IL1RN: variants seen among roughly 807,000 people sequenced by gnomAD.
IL1RN encodes interleukin-1 receptor antagonist protein.
Under a neutral mutation model 13.7 loss-of-function variants are expected in IL1RN, and 10 were observed. That is an observed-to-expected ratio of 0.73 (90% CI 0.45 to 1.24). The LOEUF (loss-of-function observed/expected upper bound fraction) is 1.24. Ranked by LOEUF, IL1RN falls within the 50% of genes most tolerant of loss-of-function variation. The probability of loss-of-function intolerance (pLI) is 0.00; values close to 1 mark genes in which losing one functional copy is unlikely to be tolerated. For synonymous variants in IL1RN, 102 were observed against 82.7 expected, an observed-to-expected ratio of 1.23 and a Z score of -1.27; for missense variants, 213 against 222.1, an observed-to-expected ratio of 0.96 and a Z score of 0.26.
chr2:113,105,414 T>C (rs1051324289), upstream of IL1RN, among the ~76,000 whole-genome samples: 4 of 152,206 alleles, frequency 2.6e-5, no homozygotes, highest in Non-Finnish European at 4.4e-5. Flanking sequence ...ATGTCACTCA[T>C]TAAAGATGTA....
At chr2:113,111,473 G>C (rs1573275811) in intron 1 of IL1RN, among the ~76,000 whole-genome samples, 1 of 152,206 alleles carries the variant, frequency 6.6e-6, no homozygotes, top group South Asian at 2.1e-4. Context: ...CATTGAGATA[G>C]TTCACATAAT....
intron 2 of IL1RN, chr2:113,121,704 A>G: frequency 1.4e-6 from 1 of 739,674 alleles, no homozygotes; most frequent in Non-Finnish European, 1.7e-6. Flanking sequence ...CCCCTTCATC[A>G]TCCAGGAGAG....
intron 1 of IL1RN, among the ~76,000 whole-genome samples, chr2:113,128,816 T>C (rs900293364): frequency 6.6e-6 from 1 of 152,108 alleles, no homozygotes; most frequent in African/African-American, 2.4e-5. Context: ...CAGAGCTCTG[T>C]TTATTACGTC....
At chr2:113,126,652 T>A (rs766933586), upstream of IL1RN, among the ~76,000 whole-genome samples, 13 of 152,180 alleles carry the variant, frequency 8.5e-5, no homozygotes, top group African/African-American at 1.4e-4. Flanking sequence ...GAAGTTCTCC[T>A]CTTCCTTCCT....
intron 3 of IL1RN, among the ~76,000 whole-genome samples, chr2:113,131,643 C>T (rs1687175511): frequency 6.6e-6 from 1 of 152,134 alleles, no homozygotes; most frequent in African/African-American, 2.4e-5. Flanking sequence ...CTGTGTGCTA[C>T]TCCCTTGCTC....
At chr2:113,121,092 C>A (rs1686766110) in intron 2 of IL1RN, among the ~76,000 whole-genome samples, 1 of 146,416 alleles carries the variant, frequency 6.8e-6, no homozygotes, top group African/African-American at 2.5e-5. Flanking sequence ...TCTTCTTCTT[C>A]TTCCTCTTCC....
chr2:113,114,487 G>C (rs72950894), upstream of IL1RN, among the ~76,000 whole-genome samples: 2,943 of 152,246 alleles, frequency 0.019, 87 homozygotes, highest in African/African-American at 0.068. Context: ...AGTTGTGGTG[G>C]TGGCGATGGA....
chr2:113,107,589 C>T (rs930826160), upstream of IL1RN, among the ~76,000 whole-genome samples: 6 of 146,736 alleles, frequency 4.1e-5, no homozygotes, highest in African/African-American at 1.5e-4. Flanking sequence ...AAAAAATAGC[C>T]ATGTGTGGTG....
chr2:113,112,642 G>T (rs997041674), intron 1 of IL1RN, among the ~76,000 whole-genome samples: 36 of 152,084 alleles, frequency 2.4e-4, no homozygotes, highest in African/African-American at 8.7e-4. Flanking sequence ...GCTTCTCACC[G>T]TTCCTCTTCC....
chr2:113,117,760 C>T, upstream of IL1RN: 1 of 592,098 alleles, frequency 1.7e-6, no homozygotes, highest in Non-Finnish European at 3.0e-6. Flanking sequence ...AGTCACCCTC[C>T]TGGAAACTGG....
At chr2:113,125,804 TG>T (rs1686933890), upstream of IL1RN, among the ~76,000 whole-genome samples, 1 of 152,234 alleles carries the variant, frequency 6.6e-6, no homozygotes, top group Non-Finnish European at 1.5e-5. Flanking sequence ...CTTTTTTGTT[TG>T]TTTTTGTTTT....
At chr2:113,126,497 T>C (rs770126702), upstream of IL1RN, among the ~76,000 whole-genome samples, 5 of 152,220 alleles carry the variant, frequency 3.3e-5, no homozygotes, top group Non-Finnish European at 7.3e-5. Context: ...GCACTGTCCA[T>C]CCTGTAGATC....
chr2:113,127,520 A>G (rs527931591), upstream of IL1RN: 65 of 1,498,210 alleles, frequency 4.3e-5, no homozygotes, highest in African/African-American at 7.0e-4. Context: ...CGCTTCTCGC[A>G]GTGGGGCAGG....
At chr2:113,112,163 C>T (rs1000499371) in intron 1 of IL1RN, among the ~76,000 whole-genome samples, 3 of 152,208 alleles carry the variant, frequency 2.0e-5, no homozygotes, top group Non-Finnish European at 4.4e-5. Context: ...AATGCTTCTA[C>T]CTTCCCTGTG....
chr2:113,112,543 C>G (rs1375922903), intron 1 of IL1RN, among the ~76,000 whole-genome samples: 1 of 152,146 alleles, frequency 6.6e-6, no homozygotes, highest in East Asian at 1.9e-4. Context: ...GGCTGCTCCC[C>G]TTGCTTTTCC....
chr2:113,130,118 T>C (rs886312481), intron 2 of IL1RN: 2 of 187,400 alleles, frequency 1.1e-5, no homozygotes, highest in African/African-American at 4.6e-5. Flanking sequence ...TGGATGACCT[T>C]GAAGAAGCTT....
At chr2:113,113,562 A>G (rs1476193520), upstream of IL1RN, among the ~76,000 whole-genome samples, 1 of 150,794 alleles carries the variant, frequency 6.6e-6, no homozygotes, top group Non-Finnish European at 1.5e-5. Flanking sequence ...CTAAGAGGGT[A>G]TATCTTATAT....
chr2:113,117,655 T>G, upstream of IL1RN: 1 of 428,646 alleles, frequency 2.3e-6, no homozygotes, highest in Non-Finnish European at 4.3e-6. Flanking sequence ...CTGGCGGCAG[T>G]CGGGGTTGGG....
chr2:113,132,548 A>G, intron 3 of IL1RN, 108 bp from the exon 4 acceptor site: 2 of 986,426 alleles, frequency 2.0e-6, no homozygotes, highest in Non-Finnish European at 3.2e-6. Context: ...TTTCCCCTGT[A>G]CTAACTCTGG....
Sources: allele counts gnomAD v4.1 joint callset (sites outside exome capture counted in the v4.1 genomes callset), GRCh38; gene constraint gnomAD v4.1.1; transcripts MANE v1.5; gene names NCBI Gene and HGNC (gene_info 2026-07-23, HGNC 2026-07-21).